FIRRM: variants seen among roughly 807,000 people sequenced by gnomAD.
The protein encoded by FIRRM is FIGNL1 interacting regulator of recombination and mitosis, also known as FIGNL1-interacting regulator of recombination and mitosis.
the FIRRM span, among the ~76,000 whole-genome samples, chr1:169,825,196 C>T: frequency 4.7e-4 from 71 of 152,298 alleles, no homozygotes; most frequent in Non-Finnish European, 7.5e-4. Context: ...ATCTTTGCCT[C>T]GCGCTAGTTT....
At chr1:169,817,983 ATGT>A in the FIRRM span, among the ~76,000 whole-genome samples, 6 of 152,260 alleles carry the variant, frequency 3.9e-5, no homozygotes, top group African/African-American at 7.2e-5. Context: ...TTTTTTACAA[ATGT>A]TGTACAACTT....
the FIRRM span, chr1:169,795,127 G>A: frequency 6.5e-7 from 1 of 1,536,110 alleles, no homozygotes; most frequent in Non-Finnish European, 8.7e-7. Flanking sequence ...TGCGGTCCCA[G>A]CTAGCGCGGT....
chr1:169,788,044 C>T, the FIRRM span, among the ~76,000 whole-genome samples: 948 of 152,322 alleles, frequency 6.2e-3, 8 homozygotes, highest in Non-Finnish European at 0.01. Context: ...TATCATGGGG[C>T]TGAATCTGCC....
At chr1:169,849,734 T>TA in the FIRRM span, 1 of 685,686 alleles carries the variant, frequency 1.5e-6, no homozygotes, top group Non-Finnish European at 2.5e-6. Flanking sequence ...AAGGGTACAT[T>TA]ACTCGTTATC....
At chr1:169,795,379 G>T in the FIRRM span, 4 of 1,409,416 alleles carry the variant, frequency 2.8e-6, no homozygotes, top group Non-Finnish European at 2.8e-6. Context: ...GGACTGGAGG[G>T]GAAGCGACAA....
At chr1:169,796,170 C>A in the FIRRM span, among the ~76,000 whole-genome samples, 7 of 152,328 alleles carry the variant, frequency 4.6e-5, no homozygotes, top group East Asian at 1.3e-3. Context: ...CAGAAGGTGC[C>A]AAAGCCCCCT....
chr1:169,786,748 G>C, the FIRRM span, among the ~76,000 whole-genome samples: 9 of 152,302 alleles, frequency 5.9e-5, no homozygotes, highest in East Asian at 1.7e-3. Flanking sequence ...GTCTTGACCA[G>C]ACATGACAGA....
chr1:169,853,031 A>G, the FIRRM span: 6 of 1,580,102 alleles, frequency 3.8e-6, no homozygotes, highest in African/African-American at 6.7e-5. Context: ...TTGTCAACTG[A>G]AAATACTTAT....
the FIRRM span, chr1:169,851,958 G>A: frequency 6.2e-7 from 1 of 1,613,788 alleles, no homozygotes; most frequent in Non-Finnish European, 8.5e-7. Context: ...TTTCAATAGG[G>A]GCCAAACTTT....
the FIRRM span, chr1:169,830,637 A>T: frequency 4.6e-6 from 7 of 1,512,804 alleles, no homozygotes; most frequent in Non-Finnish European, 6.4e-6. Flanking sequence ...ATGCAAGTTC[A>T]TCTCCTTATG....
At chr1:169,823,545 AT>A in the FIRRM span, 1 of 805,234 alleles carries the variant, frequency 1.2e-6, no homozygotes, top group African/African-American at 1.8e-5. Flanking sequence ...AGTACCTACC[AT>A]TTTATGATAA....
At chr1:169,826,263 G>C in the FIRRM span, 1 of 156,146 alleles carries the variant, frequency 6.4e-6, no homozygotes, top group Non-Finnish European at 1.4e-5. Flanking sequence ...GTAGAGACGA[G>C]GTTTCTCCAT....
chr1:169,853,518 C>T, the FIRRM span: 1 of 578,404 alleles, frequency 1.7e-6, no homozygotes, highest in Non-Finnish European at 3.0e-6. Flanking sequence ...GTACTGTGAG[C>T]CTCACCACCC....
chr1:169,797,467 A>T, the FIRRM span, among the ~76,000 whole-genome samples: 24 of 152,152 alleles, frequency 1.6e-4, 1 homozygote, highest in Non-Finnish European at 2.8e-4. Flanking sequence ...GTTAATGATG[A>T]CCTCATTTTG....
At chr1:169,830,833 C>T in the FIRRM span, 43 of 1,181,166 alleles carry the variant, frequency 3.6e-5, no homozygotes, top group African/African-American at 3.6e-4. Context: ...TGAATATCGG[C>T]GGGAGAAATA....
At chr1:169,837,033 A>G in the FIRRM span, 7 of 1,613,842 alleles carry the variant, frequency 4.3e-6, no homozygotes, top group Non-Finnish European at 5.9e-6. Context: ...CAAACTGTCC[A>G]TGAGGTCACC....
the FIRRM span, chr1:169,799,008 AG>A: frequency 4.1e-6 from 3 of 737,224 alleles, no homozygotes; most frequent in Non-Finnish European, 4.4e-6. Context: ...TTAAGGTCCG[AG>A]TCCCCACATA....
At chr1:169,813,551 A>G in the FIRRM span, among the ~76,000 whole-genome samples, 4 of 152,278 alleles carry the variant, frequency 2.6e-5, no homozygotes, top group African/African-American at 9.6e-5. Flanking sequence ...ACATTTAAAA[A>G]TAATGATAGG....
At chr1:169,805,449 G>A in the FIRRM span, among the ~76,000 whole-genome samples, 1 of 152,164 alleles carries the variant, frequency 6.6e-6, no homozygotes, top group African/African-American at 2.4e-5. Context: ...CTGTGTGCTA[G>A]CACTTTTCAA....
Sources: allele counts gnomAD v4.1 joint callset (sites outside exome capture counted in the v4.1 genomes callset), GRCh38; gene constraint gnomAD v4.1.1; transcripts MANE v1.5; gene names NCBI Gene and HGNC (gene_info 2026-07-23, HGNC 2026-07-21).